The following TRIM71 variants were observed in gnomAD, a reference collection of about 807,000 sequenced individuals.
TRIM71 encodes tripartite motif containing 71.
A neutral mutation model predicts 61.2 loss-of-function variants in TRIM71; 9 were observed. The ratio of observed to expected loss-of-function variants is 0.15; its 90% confidence interval spans 0.09 to 0.26. The LOEUF is 0.26. Ranked by LOEUF, TRIM71 falls within the 10% of genes least tolerant of loss-of-function variation. The pLI, the probability that TRIM71 is intolerant of heterozygous loss-of-function variation, is 1.00. For missense variants in TRIM71, 998 were observed against 1,238.7 expected (o/e 0.81, Z 2.92); for synonymous variants, 645 against 553.2 (o/e 1.17, Z -2.33).
chr3:32,874,542 A>G (rs1318866304), intron 2 of TRIM71, among the ~76,000 whole-genome samples: 1 of 150,672 alleles, frequency 6.6e-6, no homozygotes, highest in Admixed American at 6.6e-5. Flanking sequence ...TTTTTTTTTG[A>G]GACGGAGTCT....
chr3:32,869,250 C>T (rs1030493586), intron 1 of TRIM71, among the ~76,000 whole-genome samples: 1 of 152,068 alleles, frequency 6.6e-6, no homozygotes, highest in African/African-American at 2.4e-5. Context: ...CAGGTGTCAG[C>T]GGTTCAGCCT....
intron 1 of TRIM71, among the ~76,000 whole-genome samples, chr3:32,855,121 A>G (rs1461902705): frequency 2.6e-5 from 4 of 152,204 alleles, no homozygotes; most frequent in Non-Finnish European, 5.9e-5. Flanking sequence ...TGAAAAACAT[A>G]GTATATATAG....
At position 32,891,113 on chromosome 3, in the gene TRIM71, G is replaced by A. The variant is rs1470176806; in HGVS notation, c.1909G>A (p.Gly637Ser). 5 of 1,611,500 alleles carry A rather than the reference G, an allele frequency of 3.1e-6. No homozygotes were observed. The highest frequency in any genetic ancestry group is 3.4e-6 in the Non-Finnish European group (4 of 1,179,962). The change falls in exon 4 of 4, where the codon GGC (glycine) becomes AGC (serine). Residue 637 changes from glycine (G) to serine (S), a missense_variant. By Grantham distance (56) the Gly-to-Ser change is moderately conservative (BLOSUM62 0). This residue lies in a region of TRIM71 where 83 missense variants were observed against 202.7 expected (regional missense o/e 0.41). Transcript: ENST00000383763. The surrounding 1 kb of genome is among the most constrained non-coding windows in gnomAD (Gnocchi z 8.2). Reference protein sequence around the residue: ...NNRIQVFKPCGAFHHKFGTLG... With the variant: ...NNRIQVFKPCSAFHHKFGTLG... Reference sequence around the variant, plus strand: ...CCGCATCCAGGTGTTCAAGCCCTGCGGCGCCTTCCACCACAAATTCGGCAC... The same window carrying A: ...CCGCATCCAGGTGTTCAAGCCCTGCAGCGCCTTCCACCACAAATTCGGCAC...
At chr3:32,863,347 G>GC (rs964639709) in intron 1 of TRIM71, among the ~76,000 whole-genome samples, 106 of 152,082 alleles carry the variant, frequency 7.0e-4, no homozygotes, top group African/African-American at 2.4e-3. Context: ...CTATAGGCAT[G>GC]CCCCACCATG....
At chr3:32,862,442 C>T (rs919203888) in intron 1 of TRIM71, among the ~76,000 whole-genome samples, 1 of 152,194 alleles carries the variant, frequency 6.6e-6, no homozygotes, top group African/African-American at 2.4e-5. Flanking sequence ...TTGAAACCTA[C>T]TTGGCTTCTT....
intron 1 of TRIM71, among the ~76,000 whole-genome samples, chr3:32,826,207 C>T (rs1459142998): frequency 6.6e-6 from 1 of 152,154 alleles, no homozygotes; most frequent in African/African-American, 2.4e-5. Flanking sequence ...GCCTGCAATC[C>T]CAGCACTTTG....
intron 3 of TRIM71, among the ~76,000 whole-genome samples, chr3:32,888,857 A>C (rs1014662014): frequency 6.6e-5 from 10 of 152,158 alleles, no homozygotes; most frequent in African/African-American, 2.4e-4. Flanking sequence ...TGAATCTGTC[A>C]TGTCACTCCC....
At chr3:32,835,241 G>A (rs1041958157) in intron 1 of TRIM71, among the ~76,000 whole-genome samples, 8 of 152,196 alleles carry the variant, frequency 5.3e-5, no homozygotes, top group South Asian at 2.1e-4. Flanking sequence ...AACATGATGG[G>A]GGGAGTGGGG....
chr3:32,830,173 T>C (rs975754075), intron 1 of TRIM71, among the ~76,000 whole-genome samples: 8 of 152,142 alleles, frequency 5.3e-5, no homozygotes, highest in Admixed American at 2.0e-4. Flanking sequence ...TCCGCCTGTC[T>C]TGGCCTCCCA....
At position 32,833,857 on chromosome 3, in the gene TRIM71, A is replaced by G. The variant is rs1002293034; in HGVS notation, c.852+14925A>G. On this transcript the variant is annotated intron_variant, in intron 1 of 3. Transcript: ENST00000383763. ...ATGGGGGCTAATGGGAGCACCTGCTATGCCCCACCCCCATCCTTGACCATT... is the reference window on the plus strand; with the variant it reads ...ATGGGGGCTAATGGGAGCACCTGCTGTGCCCCACCCCCATCCTTGACCATT... 5.3e-5 allele frequency among the ~76,000 whole-genome samples: 8 copies of G among 152,180 alleles called. No homozygotes were observed. The South Asian group carries it at 1.2e-3, about 24-fold the overall frequency.
intron 1 of TRIM71, among the ~76,000 whole-genome samples, chr3:32,869,095 T>C (rs1016715967): frequency 6.6e-6 from 1 of 152,366 alleles, no homozygotes; most frequent in East Asian, 1.9e-4. Flanking sequence ...ACGAATCTTG[T>C]GTTGTCCCAC....
At chr3:32,833,345 G>C (rs899158144) in intron 1 of TRIM71, among the ~76,000 whole-genome samples, 1 of 152,104 alleles carries the variant, frequency 6.6e-6, no homozygotes, top group Non-Finnish European at 1.5e-5. Context: ...ATTTGATAAA[G>C]TAAGCTCTGG....
intron 1 of TRIM71, among the ~76,000 whole-genome samples, chr3:32,871,641 T>TTTGA (rs1465977847): frequency 2.0e-5 from 3 of 152,210 alleles, no homozygotes; most frequent in Non-Finnish European, 4.4e-5. Context: ...CTCAGCATCT[T>TTTGA]TTGATTAGTA....
At chr3:32,874,361 T>A (rs11711444) in intron 2 of TRIM71, among the ~76,000 whole-genome samples, 23 of 103,552 alleles carry the variant, frequency 2.2e-4, no homozygotes, top group African/African-American at 6.0e-4. Flanking sequence ...CTACTACTAC[T>A]ACTACTACAA....
chr3:32,868,361 T>C (rs1233132109), intron 1 of TRIM71, among the ~76,000 whole-genome samples: 2 of 152,214 alleles, frequency 1.3e-5, no homozygotes, highest in Admixed American at 6.5e-5. Context: ...GATGTAACAA[T>C]TGAATATATT....
chr3:32,890,502 C>A lies in TRIM71; in HGVS notation c.1298C>A (p.Ala433Asp). The change falls in exon 4 of 4, where the codon GCC (alanine) becomes GAC (aspartate). Residue 433 changes from alanine to aspartate, a missense_variant. Coordinates refer to ENST00000383763, the MANE Select transcript of TRIM71 (RefSeq NM_001039111.3). The surrounding 1 kb of genome is among the most constrained non-coding windows in gnomAD (Gnocchi z 6.2). ...EEGRALDILL[A>D]RDRMLAQVQE... ...GGTAGAGCGCTAGACATCCTACTGG[C>A]CCGAGACCGGATGCTGGCCCAGGTG... is the stretch of plus-strand genomic sequence containing the variant. The A allele has an allele frequency of 6.2e-7, 1 of 1,614,214 alleles. No individual in the cohort carries two copies. The highest frequency in any genetic ancestry group is 8.5e-7 in the Non-Finnish European group (1 of 1,180,048).
chr3:32,887,229 C>G (rs1032945897), intron 3 of TRIM71, among the ~76,000 whole-genome samples: 2 of 152,276 alleles, frequency 1.3e-5, no homozygotes, highest in Non-Finnish European at 2.9e-5. Flanking sequence ...TAGTTACCCT[C>G]CCTCCTGTGA....
At chr3:32,821,705 C>T (rs916272051) in intron 1 of TRIM71, among the ~76,000 whole-genome samples, 4 of 152,060 alleles carry the variant, frequency 2.6e-5, no homozygotes, top group African/African-American at 9.7e-5. Context: ...GGCATCCGGG[C>T]GGGGAATCCA....
At chr3:32,840,433 T>G (rs1288009263) in intron 1 of TRIM71, among the ~76,000 whole-genome samples, 3 of 152,212 alleles carry the variant, frequency 2.0e-5, no homozygotes, top group African/African-American at 7.2e-5. Context: ...AGTTAATGAT[T>G]AAATTCAGAG....
Sources: allele counts gnomAD v4.1 joint callset (sites outside exome capture counted in the v4.1 genomes callset), GRCh38; gene constraint gnomAD v4.1.1; regional missense constraint gnomAD v4.1.1; non-coding constraint Gnocchi (gnomAD v3.1); transcripts MANE v1.5; gene names NCBI Gene and HGNC (gene_info 2026-07-23, HGNC 2026-07-21).